The following PTPN23 variants were observed in gnomAD, a reference collection of about 807,000 sequenced individuals.
The protein encoded by PTPN23 is tyrosine-protein phosphatase non-receptor type 23.
In PTPN23, 72 loss-of-function variants were observed where a neutral mutation model predicts 156.3. That is an observed-to-expected ratio of 0.46 (90% CI 0.38 to 0.56). The LOEUF (loss-of-function observed/expected upper bound fraction) is 0.56, where lower values mean the gene tolerates loss of function less well. Ranked by LOEUF, PTPN23 falls within the 20% of genes least tolerant of loss-of-function variation. The probability of loss-of-function intolerance (pLI) is 0.00; values close to 1 mark genes in which losing one functional copy is unlikely to be tolerated. For synonymous variants in PTPN23, 957 were observed against 899.6 expected, an observed-to-expected ratio of 1.06 and a Z score of -1.14; for missense variants, 1,974 against 2,171.5, an observed-to-expected ratio of 0.91 and a Z score of 1.81.
rs1165420814 is a variant in PTPN23, at chr3:47,412,520, C to T, written c.4324C>T (p.Leu1442Phe). The T allele has an allele frequency of 3.1e-6, 5 of 1,613,262 alleles. No homozygotes were observed. The highest frequency in any genetic ancestry group is 4.2e-6 in the Non-Finnish European group (5 of 1,179,852). Residue 1442 changes from leucine to phenylalanine, a missense_variant, in exon 24 of 25, where the codon CTC (leucine) becomes TTC (phenylalanine). Transcript: ENST00000265562. Reference protein sequence around the residue: ...RKHMLQEKLHLRFCYEAVVRH... With the variant: ...RKHMLQEKLHFRFCYEAVVRH... ...GCCAAATGCACCTGTGCAGCTGCAC[C>T]TCAGGTTCTGCTATGAGGCAGTGGT...
In PTPN23 at chr3:47,407,039, T is replaced by A; in HGVS notation, c.808-91T>A. 1 of 1,534,276 alleles carries A rather than the reference T, an allele frequency of 6.5e-7. No homozygotes were observed. The highest frequency in any genetic ancestry group is 9.0e-7 in the Non-Finnish European group (1 of 1,113,974). ...CGGCTGCCTCCTGAGCTGCTTGTCA[T>A]CTGATGGACAGGCAGGGCCGGGTGG... On this transcript the variant is annotated intron_variant, in intron 9 of 24. Coordinates refer to ENST00000265562, the MANE Select transcript of PTPN23 (RefSeq NM_015466.4). The surrounding 1 kb of genome is among the most constrained non-coding windows in gnomAD (Gnocchi z 4.0).
In PTPN23 at chr3:47,381,148, G is replaced by A. The variant is rs1704526892; in HGVS notation, c.52G>A (p.Gly18Ser). 1 of 1,592,940 alleles carries A rather than the reference G, an allele frequency of 6.3e-7. No homozygotes were observed. Among genetic ancestry groups the A allele is most frequent in the Non-Finnish European group, 8.5e-7 (1 of 1,170,314 alleles). ...PMIWLDLKEA[G>S]DFHFQPAVKK... ...GATCTGGCTGGACCTGAAGGAGGCC[G>A]GTGACTTTCACTTCCAGCCAGCTGT... The change falls in exon 1 of 25, where the codon GGT becomes AGT. Residue 18 changes from glycine to serine, a missense_variant. Physicochemically the swap from Gly to Ser is moderately conservative, Grantham distance 56. This residue lies in a region of PTPN23 where 726 missense variants were observed against 929.5 expected (regional missense o/e 0.78). Transcript: ENST00000265562.
chr3:47,398,966 A>G (rs933685174), intron 2 of PTPN23, among the ~76,000 whole-genome samples: 6 of 152,248 alleles, frequency 3.9e-5, no homozygotes, highest in Middle Eastern at 3.2e-3. Flanking sequence ...GCTTTTGAAC[A>G]TCTTACTCTT....
At position 47,410,147 on chromosome 3, in the gene PTPN23, A is replaced by G; in HGVS notation, c.2349A>G (p.Gly783=). The G allele has an allele frequency of 6.3e-7, 1 of 1,591,554 alleles. No homozygotes were observed. Among genetic ancestry groups the G allele is most frequent in the Non-Finnish European group, 8.6e-7 (1 of 1,167,928 alleles). ...PSPFPSSTGP[G]PHYLSGPLPP... ...CCTTCCCCAGCTCCACAGGCCCAGG[A>G]CCCCACTATCTCTCAGGCCCCTTGC... Residue 783 remains glycine (G), a synonymous_variant, in exon 20 of 25, where the codon GGA becomes GGG. Transcript: ENST00000265562.
chr3:47,386,923 G>A (rs1045324771), intron 1 of PTPN23, among the ~76,000 whole-genome samples: 2 of 152,172 alleles, frequency 1.3e-5, no homozygotes, highest in East Asian at 1.9e-4. Flanking sequence ...TACTCAGGAC[G>A]TAATAAAATA....
Position 47,404,661 on chromosome 3 carries a change from C to T in PTPN23, c.169C>T (p.Arg57Cys), listed in dbSNP as rs895113567. The change falls in exon 3 of 25, where the codon CGT becomes TGT. Residue 57 changes from arginine to cysteine, a missense_variant. Transcript: ENST00000265562. ...KLELLRQNAV[R>C]VPRDFEGCSV... is the part of the protein sequence containing the mutation. ...CCATCCTGCCCCCCAGAATGCTGTC[C>T]GTGTCCCACGAGACTTTGAGGGCTG... 2.8e-5 allele frequency: 45 copies of T among 1,613,744 alleles called. No homozygotes were observed. The highest frequency in any genetic ancestry group is 5.0e-5 in the Admixed American group (3 of 59,990).
rs1281095566 is a variant in PTPN23 at position 47,410,552 on chromosome 3, G to A, written c.2754G>A (p.Leu918=). The change falls in exon 20 of 25, where the codon CTG becomes CTA. Residue 918 remains leucine, a synonymous_variant. Coordinates refer to ENST00000265562, the MANE Select transcript of PTPN23 (RefSeq NM_015466.4). ...TCCCTGTGCCCCCACCGCAGCCACT[G>A]CCCACGCCTTACACCTACCCTGCAG... The part of the protein sequence containing the change: ...PCFPVPPPQP[L]PTPYTYPAGA... 23 of 1,590,630 alleles carry A rather than the reference G, an allele frequency of 1.4e-5. No individual in the cohort carries two copies. Among genetic ancestry groups the A allele is most frequent in the Non-Finnish European group, 2.0e-5 (23 of 1,174,210 alleles).
In PTPN23 at chr3:47,407,568, T is replaced by C. The variant is rs900688; in HGVS notation, c.987T>C (p.Thr329=). Residue 329 remains threonine (T), a synonymous_variant, in exon 12 of 25, where the codon ACT becomes ACC. Transcript: ENST00000265562. This position sits in a 1 kb window ranked among gnomAD's most constrained non-coding sequence, Gnocchi z 4.0. ...ATGAGGCTGTCCCAGCATTGGACACTCTTCAGCCTGTAAAAGGTCGGGGAG... is the reference window on the plus strand; with the variant it reads ...ATGAGGCTGTCCCAGCATTGGACACCCTTCAGCCTGTAAAAGGTCGGGGAG... ...IYHEAVPALD[T]LQPVKGAPLV... The C allele has an allele frequency of 0.99, 1,600,439 of 1,613,812 alleles. 794,371 individuals carry two copies. The highest frequency in any genetic ancestry group is 1 in the East Asian group (44,870 of 44,870).
In PTPN23 at chr3:47,411,314, G is replaced by A; in HGVS notation, c.3516G>A (p.Arg1172=). 6.2e-7 allele frequency: 1 copy of A among 1,612,676 alleles called. No individual in the cohort carries two copies. The highest frequency in any genetic ancestry group is 8.5e-7 in the Non-Finnish European group (1 of 1,179,982). The part of the protein sequence containing the change: ...RDPYEHPERL[R]QLQQELEAFR... Reference sequence around the variant, plus strand: ...CCTATGAGCATCCTGAGAGGCTGCGGCAGTTGCAGCAGGAGCTGGAGGCCT... The same window carrying A: ...CCTATGAGCATCCTGAGAGGCTGCGACAGTTGCAGCAGGAGCTGGAGGCCT... Residue 1172 remains arginine (R), a synonymous_variant, in exon 20 of 25, where the codon CGG becomes CGA. Transcript: ENST00000265562. This position sits in a 1 kb window ranked among gnomAD's most constrained non-coding sequence, Gnocchi z 6.3.
intron 2 of PTPN23, among the ~76,000 whole-genome samples, chr3:47,400,455 C>T (rs1015602836): frequency 9.8e-5 from 15 of 152,354 alleles, no homozygotes; most frequent in Middle Eastern, 3.4e-3. Flanking sequence ...GCTAGAACCA[C>T]AGGGGGCTGC....
chr3:47,408,495 G>GT lies in PTPN23; in HGVS notation c.1330+6dup. The GT allele has an allele frequency of 6.2e-7, 1 of 1,607,598 alleles. No homozygotes were observed. Among genetic ancestry groups the GT allele is most frequent in the Non-Finnish European group, 8.5e-7 (1 of 1,175,162 alleles). On this transcript the variant is annotated splice_donor_region_variant and intron_variant, in intron 15 of 24. Transcript: ENST00000265562. ...ACCTTGTACAGTCCATGCAAGGTGA[G>GT]TAAGGGGCAGAGCAAGCAGGTGGAA...
Position 47,385,547 on chromosome 3 carries a change from C to T in PTPN23, c.84+4367C>T, listed in dbSNP as rs149135554. On this transcript the variant is annotated intron_variant, in intron 1 of 24. Transcript: ENST00000265562. ...CAAAAATTAGCTGGGCATGGTGGTG[C>T]GTGCCTTGTAGGCCCAGCTACTTAG... Among the ~76,000 whole-genome samples, 3 of 152,156 alleles carry T rather than the reference C, an allele frequency of 2.0e-5. No homozygotes were observed. The East Asian group carries it at 5.8e-4, about 29-fold the overall frequency.
rs768537319 is a variant in PTPN23, at chr3:47,411,138, G to A, written c.3340G>A (p.Ala1114Thr). The A allele has an allele frequency of 3.6e-5, 58 of 1,600,482 alleles. No individual in the cohort carries two copies. In the Middle Eastern group the frequency reaches 8.3e-4, roughly 23 times the overall value. ...AEPPPCLRRG[A>T]AAADLLSSSP... ...ACCACCCCCTTGCCTGCGCCGAGGCGCCGCAGCTGCAGACCTGCTCTCCTC... is the reference window on the plus strand; with the variant it reads ...ACCACCCCCTTGCCTGCGCCGAGGCACCGCAGCTGCAGACCTGCTCTCCTC... Residue 1114 changes from alanine (A) to threonine (T), a missense_variant, in exon 20 of 25, where the codon GCC becomes ACC. By Grantham distance (58) the Ala-to-Thr change is moderately conservative. Coordinates refer to ENST00000265562, the MANE Select transcript of PTPN23 (RefSeq NM_015466.4). The surrounding 1 kb of genome is among the most constrained non-coding windows in gnomAD (Gnocchi z 6.3).
rs756868289 is a variant in PTPN23 at position 47,411,193 on chromosome 3, A to G, written c.3395A>G (p.Gln1132Arg). The part of the protein sequence containing the change: ...SSPESQHGGT[Q>R]SPGGGQPLLQ... Reference sequence around the variant, plus strand: ...CCGGAGAGCCAGCATGGCGGCACTCAGTCTCCTGGGGGTGGGCAGCCCCTG... The same window carrying G: ...CCGGAGAGCCAGCATGGCGGCACTCGGTCTCCTGGGGGTGGGCAGCCCCTG... Residue 1132 changes from glutamine (Q) to arginine (R), a missense_variant, in exon 20 of 25, where the codon CAG becomes CGG. Coordinates refer to ENST00000265562, the MANE Select transcript of PTPN23 (RefSeq NM_015466.4). This position sits in a 1 kb window ranked among gnomAD's most constrained non-coding sequence, Gnocchi z 6.3. 3.7e-6 allele frequency: 6 copies of G among 1,603,932 alleles called. No homozygotes were observed. The highest frequency in any genetic ancestry group is 1.1e-5 in the South Asian group (1 of 90,448).
rs1432490237 is a variant in PTPN23 at position 47,406,111 on chromosome 3, G to A, written c.546+65G>A. ...GAAGGGGATGGCCAGGGAGGGGGCA[G>A]TTGGGCCTGGATCCTGGACCAAGGC... On this transcript the variant is annotated intron_variant, in intron 6 of 24. Transcript: ENST00000265562. The surrounding 1 kb of genome is among the most constrained non-coding windows in gnomAD (Gnocchi z 5.8). 3.8e-6 allele frequency: 6 copies of A among 1,580,080 alleles called. No individual in the cohort carries two copies. Among genetic ancestry groups the A allele is most frequent in the Non-Finnish European group, 4.3e-6 (5 of 1,163,994 alleles).
chr3:47,382,171 C>T (rs1326490355), intron 1 of PTPN23, among the ~76,000 whole-genome samples: 1 of 152,164 alleles, frequency 6.6e-6, no homozygotes, highest in Non-Finnish European at 1.5e-5. Flanking sequence ...CTCTAATCGC[C>T]ATACACCATT....
In PTPN23 at chr3:47,412,084, T is replaced by C. The variant is rs1340251717; in HGVS notation, c.4074-10T>C. The C allele has an allele frequency of 1.9e-6, 3 of 1,612,832 alleles. No individual in the cohort carries two copies. In the African/African-American group the frequency reaches 4.0e-5, roughly 22 times the overall value. On this transcript the variant is annotated splice_polypyrimidine_tract_variant and intron_variant, in intron 21 of 24. Transcript: ENST00000265562. ...TCATAGGCTCTTCCTGGCCCCATCCTGTCCCACAGAGGCCTGCCCGACAGC... is the reference window on the plus strand; with the variant it reads ...TCATAGGCTCTTCCTGGCCCCATCCCGTCCCACAGAGGCCTGCCCGACAGC...
At chr3:47,397,393 AT>A in intron 2 of PTPN23, among the ~76,000 whole-genome samples, 1 of 152,232 alleles carries the variant, frequency 6.6e-6, no homozygotes, top group East Asian at 1.9e-4. Context: ...GGTATGCTGT[AT>A]TTTTTTCCTG....
chr3:47,384,822 G>A (rs1227567128), intron 1 of PTPN23, among the ~76,000 whole-genome samples: 1 of 151,900 alleles, frequency 6.6e-6, no homozygotes, highest in African/African-American at 2.4e-5. Flanking sequence ...GAGTGCAATG[G>A]CACCATCTTG....
Sources: gnomAD v4.1 joint callset for allele counts (sites outside exome capture counted in the v4.1 genomes callset) on GRCh38, gnomAD v4.1.1 for gene constraint, gnomAD v4.1.1 regional missense constraint, Gnocchi (gnomAD v3.1) non-coding constraint, MANE v1.5 for transcripts, NCBI Gene and HGNC (gene_info 2026-07-23, HGNC 2026-07-21) for gene names.